MAPK1IP1L: variants seen among roughly 807,000 people sequenced by gnomAD.
The protein encoded by MAPK1IP1L is mitogen-activated protein kinase 1 interacting protein 1 like, also known as MAPK-interacting and spindle-stabilizing protein-like.
Under a neutral mutation model 18.1 loss-of-function variants are expected in MAPK1IP1L, and 10 were observed. The ratio of observed to expected loss-of-function variants is 0.55; its 90% CI spans 0.34 to 0.94. The LOEUF (loss-of-function observed/expected upper bound fraction) is 0.94, where lower values mean the gene tolerates loss of function less well. Ranked by LOEUF, MAPK1IP1L falls within the 40% of genes least tolerant of loss-of-function variation. The pLI is 0.02. For missense variants in MAPK1IP1L, 260 were observed against 318.2 expected, an observed-to-expected ratio of 0.82 and a Z score of 1.39; for synonymous variants, 115 against 117.3, an observed-to-expected ratio of 0.98 and a Z score of 0.13.
chr14:55,064,368 C>A (rs2042845776), intron 3 of MAPK1IP1L, among the ~76,000 whole-genome samples: 1 of 152,080 alleles, frequency 6.6e-6, no homozygotes, highest in Admixed American at 6.5e-5. Context: ...AGTCAAACAT[C>A]CAATCCAGCT....
At chr14:55,059,225 G>GAAAAAAAAAAAAAAAAAAAAAAAAAAAA (rs3078612) in intron 1 of MAPK1IP1L, among the ~76,000 whole-genome samples, 3 of 63,280 alleles carry the variant, frequency 4.7e-5, no homozygotes, top group African/African-American at 1.7e-4. Flanking sequence ...AGGAAAATCT[G>GAAAAAAAAAAAAAAAAAAAAAAAAAAAA]AAAAAAAAAA....
rs778200484 is a variant in MAPK1IP1L, at chr14:55,068,363, A to T, written c.*3736A>T. 1.3e-5 allele frequency: 2 copies of T among 152,654 alleles called. No homozygotes were observed. The highest frequency in any genetic ancestry group is 2.9e-5 in the Non-Finnish European group (2 of 68,024). 9.5% of individuals were successfully genotyped at this position (152,654 alleles called of 1,614,324 possible). On this transcript the variant is annotated 3_prime_UTR_variant, in exon 4 of 4. Transcript: ENST00000395468. ...CTACCTGGGGTACTCTCAAATATAC[A>T]GCTTTTGAAACTGTAGATGAAAAAA...
In MAPK1IP1L at chr14:55,062,712, A is replaced by C; in HGVS notation, c.113A>C (p.Asn38Thr). 6.2e-7 allele frequency: 1 copy of C among 1,614,020 alleles called. No individual in the cohort carries two copies. The highest frequency in any genetic ancestry group is 2.2e-5 in the East Asian group (1 of 44,868). ...CCTCCTCAAGGCTGGCCAGGCTCCA[A>C]CCCTTGGAATAATCCGAGTGCTCCA... ...GQPPQGWPGS[N>T]PWNNPSAPSS... The change falls in exon 3 of 4, where the codon AAC becomes ACC. Residue 38 changes from asparagine (N) to threonine (T), a missense_variant. Physicochemically the swap from Asn to Thr is moderately conservative, Grantham distance 65. Coordinates refer to ENST00000395468, the MANE Select transcript of MAPK1IP1L (RefSeq NM_144578.4).
chr14:55,064,555 AGG>A (rs2042847232), intron 3 of MAPK1IP1L, 59 bp from the exon 4 acceptor site: 10 of 1,417,420 alleles, frequency 7.1e-6, no homozygotes, highest in Non-Finnish European at 1.0e-5. Context: ...AGCCACAGTA[AGG>A]AGTTAATAAA....
At position 55,051,686 on chromosome 14, in the gene MAPK1IP1L, G is replaced by A. The variant is rs1373737054; in HGVS notation, c.-122G>A. On this transcript the variant is annotated 5_prime_UTR_variant, in exon 1 of 4. It adds an upstream start codon to the 5' untranslated region. Coordinates refer to ENST00000395468, the MANE Select transcript of MAPK1IP1L (RefSeq NM_144578.4). ...CGCCAGGAGGAGCCGCGCGCTGCTG[G>A]TGCTGTTGCCGCCGCTGCTCTAGCT... 1 of 516,220 alleles carries A rather than the reference G, an allele frequency of 1.9e-6. No homozygotes were observed. The highest frequency in any genetic ancestry group is 1.4e-5 in the South Asian group (1 of 71,448). The allele number at this position is 516,220 out of a possible 1,614,324, so 32.0% of individuals were successfully genotyped here.
rs952820896 is a variant in MAPK1IP1L, at chr14:55,068,221, T to C, written c.*3594T>C. 2.0e-5 allele frequency: 3 copies of C among 152,618 alleles called. No homozygotes were observed. The highest frequency in any genetic ancestry group is 4.4e-5 in the Non-Finnish European group (3 of 68,050). 9.5% of individuals were successfully genotyped at this position (152,618 alleles called of 1,614,324 possible). On this transcript the variant is annotated 3_prime_UTR_variant, in exon 4 of 4. Coordinates refer to ENST00000395468, the MANE Select transcript of MAPK1IP1L (RefSeq NM_144578.4). ...GGTTGTCTTCAGTAGAGAATAGTAA[T>C]AGGGCAGAGAAAAGTATATATTTTG... is the stretch of plus-strand genomic sequence containing the variant.
intron 3 of MAPK1IP1L, chr14:55,063,817 T>C (rs2042839326): frequency 6.5e-6 from 1 of 153,612 alleles, no homozygotes; most frequent in Non-Finnish European, 1.4e-5. Context: ...TTCTTTATTG[T>C]CAGTTACATG....
rs1444443162 is a variant in MAPK1IP1L, at chr14:55,067,204, G to A, written c.*2577G>A. On this transcript the variant is annotated 3_prime_UTR_variant, in exon 4 of 4. Transcript: ENST00000395468. The stretch of plus-strand genomic sequence containing the variant: ...CAGGCGTGAGCCACCACGTCCGGCC[G>A]ATTTTTTTTTTTTTTTTTAATGTAA... 3 of 84,584 alleles carry A rather than the reference G, an allele frequency of 3.5e-5. No homozygotes were observed. Among genetic ancestry groups the A allele is most frequent in the African/African-American group, 1.3e-4 (2 of 15,140 alleles). The allele number at this position is 84,584 out of a possible 1,614,324, so 5.2% of individuals were successfully genotyped here. A position where few individuals can be genotyped will look rare whatever the true frequency, so the allele number is the denominator to read the frequency against.
At chr14:55,056,085 A>G (rs2042769218) in intron 1 of MAPK1IP1L, among the ~76,000 whole-genome samples, 1 of 152,228 alleles carries the variant, frequency 6.6e-6, no homozygotes, top group Admixed American at 6.5e-5. Context: ...TTACTAAGAC[A>G]GTGCCGTAGA....
rs749403454 is a variant in MAPK1IP1L, at chr14:55,051,666, G to A, written c.-142G>A. 1 of 514,434 alleles carries A rather than the reference G, an allele frequency of 1.9e-6. No homozygotes were observed. Among genetic ancestry groups the A allele is most frequent in the Non-Finnish European group, 3.9e-6 (1 of 258,746 alleles). The allele number at this position is 514,434 out of a possible 1,614,324, so 31.9% of individuals were successfully genotyped here. On this transcript the variant is annotated 5_prime_UTR_variant, in exon 1 of 4. Coordinates refer to ENST00000395468, the MANE Select transcript of MAPK1IP1L (RefSeq NM_144578.4). ...CTCGGCGCTTCCTGTTCCGGCGCCA[G>A]GAGGAGCCGCGCGCTGCTGGTGCTG...
intron 3 of MAPK1IP1L, chr14:55,064,059 G>A (rs1411930821): frequency 8.1e-6 from 1 of 122,720 alleles, no homozygotes; most frequent in Non-Finnish European, 1.6e-5. Context: ...TGTCACCCAG[G>A]CAAGAGTGCA....
At chr14:55,055,952 G>A (rs146334616) in intron 1 of MAPK1IP1L, among the ~76,000 whole-genome samples, 25 of 151,904 alleles carry the variant, frequency 1.6e-4, no homozygotes, top group African/African-American at 5.5e-4. Context: ...AAAAACTTAC[G>A]AATTATTTAT....
In MAPK1IP1L at chr14:55,068,291, T is replaced by TA. The variant is rs1382781471; in HGVS notation, c.*3670dup. On this transcript the variant is annotated 3_prime_UTR_variant, in exon 4 of 4. Transcript: ENST00000395468. ...CACAATGGACTATTGGGATATTTTC[T>TA]AAAAAACCAATCAATTTGCCCATGA... The TA allele has an allele frequency of 6.6e-6, 1 of 152,658 alleles. No individual in the cohort carries two copies. Among genetic ancestry groups the TA allele is most frequent in the Non-Finnish European group, 1.5e-5 (1 of 68,052 alleles). The allele number at this position is 152,658 out of a possible 1,614,324, so 9.5% of individuals were successfully genotyped here.
chr14:55,068,866 TGA>T lies in MAPK1IP1L; in HGVS notation c.*4243_*4244del, dbSNP rs746746105. 30 of 152,334 alleles carry T rather than the reference TGA, an allele frequency of 2.0e-4. No individual in the cohort carries two copies. The highest frequency in any genetic ancestry group is 3.8e-4 in the Non-Finnish European group (26 of 68,020). The allele number at this position is 152,334 out of a possible 1,614,324, so 9.4% of individuals were successfully genotyped here. A position where few individuals can be genotyped will look rare whatever the true frequency, so the allele number is the denominator to read the frequency against. On this transcript the variant is annotated 3_prime_UTR_variant, in exon 4 of 4. Transcript: ENST00000395468. ...CCAGCTATAAGGGAATCCCTGTCCT[TGA>T]GAGGCTCATAGTCTATAAGTAACAT...
rs1023028192 is a variant in MAPK1IP1L at position 55,069,726 on chromosome 14, C to T, written c.*5099C>T. 10 of 152,144 alleles carry T rather than the reference C, an allele frequency of 6.6e-5. No homozygotes were observed. Among genetic ancestry groups the T allele is most frequent in the African/African-American group, 2.2e-4 (9 of 41,406 alleles). The allele number at this position is 152,144 out of a possible 1,614,324, so 9.4% of individuals were successfully genotyped here. ...AAACCACCCTTCCTCCGCAAACCCT[C>T]TCAGCAACATGGTGTCCATTGTGGT... On this transcript the variant is annotated 3_prime_UTR_variant, in exon 4 of 4. Coordinates refer to ENST00000395468, the MANE Select transcript of MAPK1IP1L (RefSeq NM_144578.4).
At chr14:55,061,194 A>G (rs983588569) in intron 1 of MAPK1IP1L, among the ~76,000 whole-genome samples, 1 of 152,190 alleles carries the variant, frequency 6.6e-6, no homozygotes, top group African/African-American at 2.4e-5. Flanking sequence ...ATAAGACGCT[A>G]ATTTTTAATA....
At chr14:55,061,529 TTCCTATG>T (rs1285521534) in intron 1 of MAPK1IP1L, among the ~76,000 whole-genome samples, 144 bp from the exon 2 acceptor site, 4 of 152,328 alleles carry the variant, frequency 2.6e-5, no homozygotes, top group Middle Eastern at 6.8e-3. Flanking sequence ...ATGGAAAACT[TTCCTATG>T]TAAAGAAAAA....
chr14:55,061,753 A>G (rs2042819793), intron 2 of MAPK1IP1L, 52 bp downstream of exon 2: 1 of 1,417,346 alleles, frequency 7.1e-7, no homozygotes, highest in Non-Finnish European at 9.7e-7. Flanking sequence ...AAGAAAAACA[A>G]CATGGTCCTA....
intron 1 of MAPK1IP1L, among the ~76,000 whole-genome samples, chr14:55,059,225 G>GAAAA (rs3078612): frequency 0.027 from 1,706 of 63,160 alleles, 36 homozygotes; most frequent in Non-Finnish European, 0.037. Context: ...AGGAAAATCT[G>GAAAA]AAAAAAAAAA....
Sources: gnomAD v4.1 joint callset for allele counts (sites outside exome capture counted in the v4.1 genomes callset) on GRCh38, gnomAD v4.1.1 for gene constraint, MANE v1.5 for transcripts, NCBI Gene and HGNC (gene_info 2026-07-23, HGNC 2026-07-21) for gene names.